DLC1: variants seen among roughly 807,000 people sequenced by gnomAD.
DLC1 encodes rho GTPase-activating protein 7.
A neutral mutation model predicts 140.3 loss-of-function variants in DLC1; 54 were observed. The observed-to-expected ratio is 0.38, with a 90% confidence interval of 0.31 to 0.48. The LOEUF (loss-of-function observed/expected upper bound fraction) is 0.48, where lower values mean the gene tolerates loss of function less well. Ranked by LOEUF, DLC1 falls within the 20% of genes least tolerant of loss-of-function variation. DLC1 has a pLI of 0.96. For synonymous variants in DLC1, 986 were observed against 728.1 expected, an observed-to-expected ratio of 1.35 and a Z score of -5.70; for missense variants, 2,536 against 1,907.0, an observed-to-expected ratio of 1.33 and a Z score of -6.14.
At chr8:13,293,947 A>G (rs944226121) in intron 5 of DLC1, among the ~76,000 whole-genome samples, 4 of 152,226 alleles carry the variant, frequency 2.6e-5, no homozygotes, top group African/African-American at 7.2e-5. Flanking sequence ...TTCTGTAGCC[A>G]AAAAGGGTAA....
At chr8:13,258,876 G>A (rs1038377000) in intron 5 of DLC1, among the ~76,000 whole-genome samples, 6 of 152,072 alleles carry the variant, frequency 3.9e-5, no homozygotes, top group African/African-American at 1.4e-4. Flanking sequence ...GGTGGCTCAC[G>A]CCTGTAATCC....
At chr8:13,200,780 T>G (rs1827337307) in intron 5 of DLC1, among the ~76,000 whole-genome samples, 1 of 151,928 alleles carries the variant, frequency 6.6e-6, no homozygotes, top group Non-Finnish European at 1.5e-5. Flanking sequence ...TTGTTTTTTG[T>G]GGAGATGGGG....
chr8:13,557,020 A>G (rs1412066156), intron 1 of DLC1, among the ~76,000 whole-genome samples: 1 of 152,138 alleles, frequency 6.6e-6, no homozygotes, highest in Non-Finnish European at 1.5e-5. Context: ...AGTAATTGTC[A>G]TATGCATATT....
chr8:13,351,739 G>T (rs1026038731), intron 4 of DLC1, among the ~76,000 whole-genome samples: 1 of 152,148 alleles, frequency 6.6e-6, no homozygotes, highest in Non-Finnish European at 1.5e-5. Flanking sequence ...TATAGAAAAA[G>T]TCTGCCAAGT....
At chr8:13,530,820 G>A (rs1484379747) in intron 1 of DLC1, among the ~76,000 whole-genome samples, 3 of 152,106 alleles carry the variant, frequency 2.0e-5, no homozygotes, top group Admixed American at 6.5e-5. Flanking sequence ...ATTTCATTTC[G>A]GAGTCATGAA....
intron 4 of DLC1, among the ~76,000 whole-genome samples, chr8:13,324,560 T>G (rs10088552): frequency 0.85 from 119,896 of 140,442 alleles, 51,530 homozygotes; most frequent in East Asian, 0.95. Context: ...GCAAAAGAGC[T>G]AGACTCCGTC....
chr8:13,215,617 A>C (rs2117125771), intron 5 of DLC1, among the ~76,000 whole-genome samples: 1 of 152,276 alleles, frequency 6.6e-6, no homozygotes, highest in East Asian at 1.9e-4. Context: ...ATGTGAAAAA[A>C]ATTCAAACAA....
intron 2 of DLC1, among the ~76,000 whole-genome samples, chr8:13,405,350 G>C (rs1035960783): frequency 6.6e-6 from 1 of 151,726 alleles, no homozygotes; most frequent in African/African-American, 2.4e-5. Context: ...TTATGTCTTT[G>C]AGTGCCCAAC....
Position 13,170,034 on chromosome 8 carries a change from T to TA in DLC1, c.1349-54378dup, listed in dbSNP as rs569778441. ...ACCTTGTCTCAAAAAAATAAAAAAA[T>TA]AAAAAAAATTAGAGGAATATTTCAT... On this transcript the variant is annotated intron_variant, in intron 5 of 17. Transcript: ENST00000276297. 9.2e-5 allele frequency among the ~76,000 whole-genome samples: 14 copies of TA among 151,770 alleles called. 1 individual carries two copies. The highest frequency in any genetic ancestry group is 5.9e-4 in the Admixed American group (9 of 15,222).
At chr8:13,146,050 G>A (rs138357935) in intron 5 of DLC1, among the ~76,000 whole-genome samples, 3,794 of 152,028 alleles carry the variant, frequency 0.025, 151 homozygotes, top group African/African-American at 0.087. Flanking sequence ...AGGCTGAGGC[G>A]GGTGGATCAC....
chr8:13,134,145 C>G (rs1257236296), intron 5 of DLC1, among the ~76,000 whole-genome samples: 1 of 152,110 alleles, frequency 6.6e-6, no homozygotes, highest in African/African-American at 2.4e-5. Flanking sequence ...GTTTGAGGAC[C>G]CCTGATGTAT....
Position 13,538,257 on chromosome 8 carries a change from T to C in DLC1, c.-125-38061A>G, listed in dbSNP as rs74514534. The stretch of plus-strand genomic sequence containing the variant: ...AGGTGAGCAAGGGGACCCTCTGATA[T>C]TGAGTGTGGCTCAAGCACTTGGAGA... On this transcript the variant is annotated intron_variant, in intron 1 of 1. Transcript: ENST00000631382. Among the ~76,000 whole-genome samples the C allele has an allele frequency of 2.7e-3, 415 of 152,186 alleles. 5 individuals are homozygous for C. In the East Asian group the frequency reaches 0.039, roughly 14 times the overall value.
intron 4 of DLC1, among the ~76,000 whole-genome samples, chr8:13,329,239 T>C (rs1317224596): frequency 2.0e-5 from 3 of 152,198 alleles, no homozygotes; most frequent in African/African-American, 7.2e-5. Flanking sequence ...AAACAAGTAT[T>C]ACTTTCTGGA....
At chr8:13,328,797 GAA>G (rs75694714) in intron 4 of DLC1, among the ~76,000 whole-genome samples, 45,795 of 151,930 alleles carry the variant, frequency 0.3, 7,803 homozygotes, top group Non-Finnish European at 0.4. Flanking sequence ...GGGAAGACCA[GAA>G]AAGTGTGATG....
chr8:13,311,011 A>G (rs1460432037), intron 4 of DLC1, among the ~76,000 whole-genome samples: 1 of 152,340 alleles, frequency 6.6e-6, no homozygotes, highest in East Asian at 1.9e-4. Flanking sequence ...GTTCTAAATA[A>G]TAGACATGCA....
chr8:13,304,622 A>G, intron 5 of DLC1: 2 of 880,684 alleles, frequency 2.3e-6, no homozygotes, highest in Non-Finnish European at 2.7e-6. Flanking sequence ...GTTAGATAAT[A>G]TACCTTTAAT....
rs1837709831 is a variant in DLC1 at position 13,409,807 on chromosome 8, A to G, written c.1024-8188T>C. ...GAGTAGTAGTTTTCAATAGCGGCAG[A>G]TTGTCAGTATACTTGTATAGCTTTG... On this transcript the variant is annotated intron_variant, in intron 2 of 17. Coordinates refer to ENST00000276297, the MANE Select transcript of DLC1 (RefSeq NM_182643.3). 2.0e-5 allele frequency among the ~76,000 whole-genome samples: 3 copies of G among 152,236 alleles called. No homozygotes were observed. In the South Asian group the frequency reaches 6.2e-4, roughly 32 times the overall value.
At chr8:13,249,008 C>T (rs183445785) in intron 5 of DLC1, among the ~76,000 whole-genome samples, 1 of 152,298 alleles carries the variant, frequency 6.6e-6, no homozygotes, top group East Asian at 1.9e-4. Context: ...TTTACTCATT[C>T]TTAGACTCCT....
chr8:13,154,911 T>C (rs1824134089), intron 5 of DLC1, among the ~76,000 whole-genome samples: 1 of 152,212 alleles, frequency 6.6e-6, no homozygotes, highest in Non-Finnish European at 1.5e-5. Flanking sequence ...AATCACTGTT[T>C]TTTATAAATT....
Sources: allele counts gnomAD v4.1 joint callset (sites outside exome capture counted in the v4.1 genomes callset), GRCh38; gene constraint gnomAD v4.1.1; transcripts MANE v1.5; gene names NCBI Gene and HGNC (gene_info 2026-07-23, HGNC 2026-07-21).